Variants in KCNMB2 observed in about 807,000 individuals in gnomAD.
KCNMB2 encodes potassium calcium-activated channel subfamily M regulatory beta subunit 2, also known as calcium-activated potassium channel subunit beta-2.
KCNMB2 carries 9 observed loss-of-function variants against 24.5 expected under a neutral mutation model. That is an observed-to-expected ratio of 0.37 (90% confidence interval 0.22 to 0.64). The LOEUF is 0.64. Among genes scored for constraint, KCNMB2 ranks in the 30% least tolerant of loss-of-function variants. The pLI, the probability that KCNMB2 is intolerant of heterozygous loss-of-function variation, is 0.63. For synonymous variants in KCNMB2, 109 were observed against 104.4 expected (o/e 1.04, Z -0.27); for missense variants, 226 against 284.3 (o/e 0.79, Z 1.47).
chr3:178,719,843 C>A (rs138522702), intron 1 of KCNMB2, among the ~76,000 whole-genome samples: 5 of 152,244 alleles, frequency 3.3e-5, no homozygotes, highest in African/African-American at 1.2e-4. Context: ...TCTCTCAATT[C>A]CCTCAAATTC....
At chr3:178,667,474 G>A (rs537469635) in intron 1 of KCNMB2, among the ~76,000 whole-genome samples, 16 of 152,096 alleles carry the variant, frequency 1.1e-4, no homozygotes, top group African/African-American at 2.9e-4. Context: ...CTCCCAAGAC[G>A]CCAAATGCTG....
intron 1 of KCNMB2, among the ~76,000 whole-genome samples, chr3:178,583,469 T>C (rs1717290736): frequency 6.6e-6 from 1 of 152,246 alleles, no homozygotes; most frequent in East Asian, 1.9e-4. Context: ...TTGGAGGTGA[T>C]ATTCTGTAAT....
intron 1 of KCNMB2, among the ~76,000 whole-genome samples, chr3:178,579,355 GAC>G (rs911891056): frequency 9.2e-5 from 14 of 152,154 alleles, no homozygotes; most frequent in Admixed American, 3.3e-4. Flanking sequence ...GAATCTCTGG[GAC>G]ACAGCTAAAG....
chr3:178,746,027 T>C (rs1192057297), intron 1 of KCNMB2, among the ~76,000 whole-genome samples: 1 of 152,182 alleles, frequency 6.6e-6, no homozygotes, highest in African/African-American at 2.4e-5. Context: ...GTCTGGAGGA[T>C]GGTGACCCTT....
chr3:178,775,757 T>C (rs1712553673), intron 1 of KCNMB2, among the ~76,000 whole-genome samples: 1 of 152,220 alleles, frequency 6.6e-6, no homozygotes, highest in Non-Finnish European at 1.5e-5. Flanking sequence ...ATCATTTTGC[T>C]TGAGTTTTGA....
At chr3:178,759,799 C>A (rs1166301391) in intron 1 of KCNMB2, among the ~76,000 whole-genome samples, 2 of 14,126 alleles carry the variant, frequency 1.4e-4, no homozygotes, top group Non-Finnish European at 2.2e-4. Context: ...TATATATATC[C>A]AAGAGGATAT....
intron 1 of KCNMB2, among the ~76,000 whole-genome samples, chr3:178,775,910 T>G (rs554851976): frequency 1.2e-4 from 19 of 152,196 alleles, no homozygotes; most frequent in African/African-American, 4.3e-4. Flanking sequence ...CTGCTTTCAT[T>G]TATAATTTTC....
At chr3:178,582,453 T>C (rs1206949153) in intron 1 of KCNMB2, among the ~76,000 whole-genome samples, 1 of 152,168 alleles carries the variant, frequency 6.6e-6, no homozygotes, top group African/African-American at 2.4e-5. Context: ...GGCACACATA[T>C]ACCTATGTAA....
intron 1 of KCNMB2, among the ~76,000 whole-genome samples, chr3:178,657,174 C>T (rs1009989763): frequency 2.6e-5 from 4 of 152,284 alleles, no homozygotes; most frequent in African/African-American, 9.6e-5. Context: ...CTCCAGAACC[C>T]ATATGTTTTC....
Position 178,669,573 on chromosome 3 carries a change from G to A in KCNMB2, c.-68+132862G>A, listed in dbSNP as rs189381246. On this transcript the variant is annotated intron_variant, in intron 1 of 4. Transcript: ENST00000452583. ...CTCACCTAATCAACCTCACCAATGT[G>A]TATGCAACACATTGGCTAAATTCTA... 2.6e-5 allele frequency among the ~76,000 whole-genome samples: 4 copies of A among 152,182 alleles called. No homozygotes were observed. In the East Asian group the frequency reaches 7.7e-4, roughly 29 times the overall value.
At chr3:178,710,933 C>T (rs979711606) in intron 1 of KCNMB2, among the ~76,000 whole-genome samples, 6 of 152,112 alleles carry the variant, frequency 3.9e-5, no homozygotes, top group Non-Finnish European at 7.4e-5. Context: ...GCCTACTATA[C>T]GGAAGGAGCT....
chr3:178,609,473 T>C (rs1560129159), intron 1 of KCNMB2, among the ~76,000 whole-genome samples: 1 of 152,104 alleles, frequency 6.6e-6, no homozygotes, highest in Non-Finnish European at 1.5e-5. Flanking sequence ...GCAGAAGCTT[T>C]TTAATTTGAT....
In KCNMB2 at chr3:178,672,595, G is replaced by C. The variant is rs908654185; in HGVS notation, c.-67-134748G>C. Among the ~76,000 whole-genome samples, 76 of 152,182 alleles carry C rather than the reference G, an allele frequency of 5.0e-4. 1 individual carries two copies. The highest frequency in any genetic ancestry group is 1.8e-3 in the African/African-American group (75 of 41,444). Reference sequence around the variant, plus strand: ...AGTTTGCTTATGGAAATGCAGCGGAGAGGCACCGAACATTCACAAGGGTCT... The same window carrying C: ...AGTTTGCTTATGGAAATGCAGCGGACAGGCACCGAACATTCACAAGGGTCT... On this transcript the variant is annotated intron_variant, in intron 1 of 4. Coordinates refer to ENST00000452583, the MANE Select transcript of KCNMB2 (RefSeq NM_181361.3).
chr3:178,715,683 C>G (rs1348277129), intron 1 of KCNMB2, among the ~76,000 whole-genome samples: 2 of 152,214 alleles, frequency 1.3e-5, no homozygotes, highest in Non-Finnish European at 2.9e-5. Flanking sequence ...TGGGACCTGC[C>G]TCTTCCTCAT....
At chr3:178,727,798 C>T (rs569681206) in intron 1 of KCNMB2, among the ~76,000 whole-genome samples, 2 of 152,294 alleles carry the variant, frequency 1.3e-5, no homozygotes, top group East Asian at 1.9e-4. Context: ...ACCTCTAAAA[C>T]TATAAGATAA....
intron 1 of KCNMB2, among the ~76,000 whole-genome samples, chr3:178,538,457 A>T (rs959365188): frequency 5.3e-5 from 8 of 152,226 alleles, no homozygotes; most frequent in Non-Finnish European, 5.9e-5. Context: ...CTGTTGTTAG[A>T]GGTTTACAAA....
chr3:178,714,302 C>G (rs1189681987), intron 1 of KCNMB2, among the ~76,000 whole-genome samples: 1 of 152,220 alleles, frequency 6.6e-6, no homozygotes, highest in African/African-American at 2.4e-5. Flanking sequence ...AGCTACACTT[C>G]TTGCTCTGGA....
chr3:178,726,250 T>A (rs963747641), intron 1 of KCNMB2, among the ~76,000 whole-genome samples: 6 of 151,976 alleles, frequency 3.9e-5, no homozygotes, highest in Admixed American at 2.6e-4. Context: ...ATTTTATATA[T>A]GACATCTGCA....
At chr3:178,682,659 TAAAC>T (rs1721310068) in intron 1 of KCNMB2, among the ~76,000 whole-genome samples, 1 of 151,666 alleles carries the variant, frequency 6.6e-6, no homozygotes, top group African/African-American at 2.4e-5. Context: ...ATAAGAAACT[TAAAC>T]AATTGAACAA....
Sources: gnomAD v4.1 joint callset for allele counts (sites outside exome capture counted in the v4.1 genomes callset) on GRCh38, gnomAD v4.1.1 for gene constraint, MANE v1.5 for transcripts, NCBI Gene and HGNC (gene_info 2026-07-23, HGNC 2026-07-21) for gene names.